TRIO: variants seen among roughly 807,000 people sequenced by gnomAD.
The protein encoded by TRIO is trio Rho guanine nucleotide exchange factor.
TRIO carries 58 observed loss-of-function variants against 351.9 expected under a neutral mutation model. The ratio of observed to expected loss-of-function variants is 0.16; its 90% CI spans 0.13 to 0.21. TRIO has a LOEUF of 0.21. TRIO is among the 10% of genes least tolerant of loss of function. TRIO has a pLI of 1.00. For missense variants in TRIO, 3,201 were observed against 4,027.8 expected (o/e 0.79, Z 5.56); for synonymous variants, 1,758 against 1,595.7 (o/e 1.10, Z -2.42).
At chr5:14,505,815 C>T (rs939705274) in intron 55 of TRIO, among the ~76,000 whole-genome samples, 1 of 152,196 alleles carries the variant, frequency 6.6e-6, no homozygotes, top group African/African-American at 2.4e-5. Context: ...TGGGGACGTG[C>T]TTCCAGCCCG....
At chr5:14,289,446 A>G (rs1039076847) in intron 4 of TRIO, among the ~76,000 whole-genome samples, 8 of 152,154 alleles carry the variant, frequency 5.3e-5, no homozygotes, top group Admixed American at 5.2e-4. Flanking sequence ...CAGCTACTCA[A>G]GAGGCTTAAG....
intron 26 of TRIO, chr5:14,390,584 G>A (rs1746983488): frequency 1.9e-6 from 1 of 535,690 alleles, no homozygotes; most frequent in East Asian, 3.2e-5. Context: ...CCTTCTGGGG[G>A]ATCGTCTAGT....
At chr5:14,204,944 G>T (rs1013455195) in intron 1 of TRIO, among the ~76,000 whole-genome samples, 1 of 152,138 alleles carries the variant, frequency 6.6e-6, no homozygotes, top group Non-Finnish European at 1.5e-5. Context: ...ATTAGTCAGG[G>T]GTGTTTCTAG....
At chr5:14,451,330 CAA>C (rs34892418) in intron 34 of TRIO, among the ~76,000 whole-genome samples, 2 of 141,362 alleles carry the variant, frequency 1.4e-5, no homozygotes, top group African/African-American at 2.6e-5. Flanking sequence ...TTTCTTTATT[CAA>C]AAAAAAAAAG....
chr5:14,331,777 G>A (rs148894303), intron 10 of TRIO, among the ~76,000 whole-genome samples: 25 of 152,262 alleles, frequency 1.6e-4, no homozygotes, highest in African/African-American at 5.5e-4. Flanking sequence ...GAACTTCCTC[G>A]TAACTAATTT....
At chr5:14,144,072 C>G (rs746714871) in intron 1 of TRIO, among the ~76,000 whole-genome samples, 190 bp downstream of exon 1, 28 of 151,906 alleles carry the variant, frequency 1.8e-4, no homozygotes, top group Non-Finnish European at 3.4e-4. Flanking sequence ...GCGTGTCCCG[C>G]TGCCCGCGCA....
At position 14,508,028 on chromosome 5, in the gene TRIO, A is replaced by T. The variant is rs772264976; in HGVS notation, c.8900A>T (p.Asn2967Ile). The T allele has an allele frequency of 3.1e-6, 5 of 1,614,170 alleles. No homozygotes were observed. Among genetic ancestry groups the T allele is most frequent in the Non-Finnish European group, 4.2e-6 (5 of 1,180,024 alleles). ...GCAGCCCCTGAAATCATCCTCGGGA[A>T]CCCTGTCTCCCTGACCTCGGATACG... ...EFAAPEIILG[N>I]PVSLTSDTWS... Residue 2967 changes from asparagine (N) to isoleucine (I), a missense_variant, in exon 57 of 57, where the codon AAC becomes ATC. Physicochemically the swap from Asn to Ile is moderately radical, Grantham distance 149 (BLOSUM62 -3). Around this residue, in one of 19 missense-constraint regions of TRIO, gnomAD observed 233 missense variants for 292.6 expected, o/e 0.80. Coordinates refer to ENST00000344204, the MANE Select transcript of TRIO (RefSeq NM_007118.4).
chr5:14,481,941 C>T, intron 45 of TRIO: 1 of 296,346 alleles, frequency 3.4e-6, no homozygotes, highest in East Asian at 6.9e-5. Flanking sequence ...CCATGGTTAG[C>T]TATGGATGTA....
intron 34 of TRIO, chr5:14,441,484 AACGTGTTCCGTGGTGACCACCTTGGG>A: frequency 6.5e-6 from 1 of 153,108 alleles, no homozygotes; most frequent in Non-Finnish European, 1.5e-5. Context: ...TGGAACCTGA[AACGTGTTCCGTGGTGACCACCTTGGG>A]AGGGGGCTGT....
intron 34 of TRIO, among the ~76,000 whole-genome samples, chr5:14,455,433 G>A (rs1048540214): frequency 2.1e-4 from 32 of 152,032 alleles, no homozygotes; most frequent in African/African-American, 6.5e-4. Context: ...ACAGAGCAGC[G>A]ATTGGTGCAT....
At chr5:14,460,001 C>T (rs755018844) in intron 34 of TRIO, among the ~76,000 whole-genome samples, 6 of 151,996 alleles carry the variant, frequency 3.9e-5, no homozygotes, top group Non-Finnish European at 7.4e-5. Flanking sequence ...CCGCAAGCTC[C>T]GCCTCCTGGG....
intron 1 of TRIO, among the ~76,000 whole-genome samples, chr5:14,230,728 G>A (rs1260275433): frequency 6.6e-6 from 1 of 151,924 alleles, no homozygotes; most frequent in African/African-American, 2.4e-5. Context: ...ATTCTCTAGG[G>A]TAAATTTTCT....
chr5:14,342,808 G>A (rs997743857), intron 11 of TRIO, among the ~76,000 whole-genome samples: 1 of 152,040 alleles, frequency 6.6e-6, no homozygotes, highest in African/African-American at 2.4e-5. Flanking sequence ...TTAACTTAGG[G>A]GATTACATGC....
chr5:14,481,142 A>G, intron 43 of TRIO, 92 bp from the exon 44 acceptor site: 1 of 1,384,316 alleles, frequency 7.2e-7, no homozygotes, highest in Non-Finnish European at 9.9e-7. Context: ...CTTGAGTAAC[A>G]TAGTGAGACC....
chr5:14,507,106 G>C lies in TRIO; in HGVS notation c.8613-16G>C. 1 of 1,565,506 alleles carries C rather than the reference G, an allele frequency of 6.4e-7. No individual in the cohort carries two copies. The highest frequency in any genetic ancestry group is 8.6e-7 in the Non-Finnish European group (1 of 1,158,958). ...GCAAATCGCATCATAACAGTCACCC[G>C]CTCCTGCCTCTTTAGGGCTGACCAG... On this transcript the variant is annotated splice_polypyrimidine_tract_variant and intron_variant, in intron 55 of 56. Coordinates refer to ENST00000344204, the MANE Select transcript of TRIO (RefSeq NM_007118.4).
chr5:14,326,615 G>C (rs1740413194), intron 9 of TRIO, among the ~76,000 whole-genome samples: 1 of 152,226 alleles, frequency 6.6e-6, no homozygotes, highest in Non-Finnish European at 1.5e-5. Flanking sequence ...TCATCTGGAA[G>C]GGAAGCAGCA....
chr5:14,390,154 C>T (rs1561430586), intron 25 of TRIO, 77 bp from the exon 26 acceptor site: 1 of 1,349,324 alleles, frequency 7.4e-7, no homozygotes, highest in Non-Finnish European at 1.0e-6. Flanking sequence ...GCACAGATTT[C>T]TCAGTTTCTG....
intron 1 of TRIO, among the ~76,000 whole-genome samples, chr5:14,182,848 C>T (rs1001252548): frequency 7.7e-6 from 1 of 129,118 alleles, no homozygotes; most frequent in African/African-American, 2.8e-5. Context: ...AAAATTGGAC[C>T]AAATACAGTG....
Position 14,404,645 on chromosome 5 carries a change from C to T in TRIO, c.4717-1203C>T, listed in dbSNP as rs554549004. Among the ~76,000 whole-genome samples the T allele has an allele frequency of 7.2e-5, 11 of 152,248 alleles. No individual in the cohort carries two copies. The East Asian group carries it at 1.2e-3, about 16-fold the overall frequency. ...TCTCCCGAGTCCCTTACTTTCCCCC[C>T]GCTTTCCCCGGTCACCCTGCCTCCT... On this transcript the variant is annotated intron_variant, in intron 31 of 56. Coordinates refer to ENST00000344204, the MANE Select transcript of TRIO (RefSeq NM_007118.4).
Sources: gnomAD v4.1 joint callset for allele counts (sites outside exome capture counted in the v4.1 genomes callset) on GRCh38, gnomAD v4.1.1 for gene constraint, gnomAD v4.1.1 regional missense constraint, MANE v1.5 for transcripts, NCBI Gene and HGNC (gene_info 2026-07-23, HGNC 2026-07-21) for gene names.